Variants in CCDC68 observed in about 807,000 individuals in gnomAD.
The protein encoded by CCDC68 is coiled-coil domain containing 68, also known as coiled-coil domain-containing protein 68.
CCDC68 carries 45 observed loss-of-function variants against 47.1 expected under a neutral mutation model. The ratio of observed to expected loss-of-function variants is 0.96; its 90% confidence interval spans 0.75 to 1.23. The LOEUF (loss-of-function observed/expected upper bound fraction) is 1.23, where lower values mean the gene tolerates loss of function less well. Among genes scored for constraint, CCDC68 ranks in the 50% most tolerant of loss-of-function variants. The pLI is 0.00. For synonymous variants in CCDC68, 131 were observed against 129.5 expected (o/e 1.01, Z -0.08); for missense variants, 353 against 373.6 (o/e 0.94, Z 0.45).
intron 8 of CCDC68, among the ~76,000 whole-genome samples, chr18:54,920,525 T>C (rs191120506): frequency 5.0e-4 from 76 of 152,246 alleles, no homozygotes; most frequent in Non-Finnish European, 9.3e-4. Context: ...ATAGCAGAAA[T>C]TCATAAAATA....
chr18:54,920,236 CTT>C (rs58528142), intron 8 of CCDC68, among the ~76,000 whole-genome samples: 68,866 of 135,198 alleles, frequency 0.51, 16,584 homozygotes, highest in East Asian at 0.55. Context: ...TTTCTTTTTT[CTT>C]TTTTTTTTTT....
chr18:54,944,377 C>A (rs949521347), intron 2 of CCDC68, among the ~76,000 whole-genome samples: 150 of 152,004 alleles, frequency 9.9e-4, no homozygotes, highest in African/African-American at 3.6e-3. Context: ...TGATAAGAAG[C>A]CAAGACTCCA....
rs1033714702 is a variant in CCDC68, at chr18:54,901,964, G to A, written c.*2394C>T. Reference sequence around the variant, plus strand: ...ATATAGGAAACAATCCATACATGACGAATAAATGATAAGGCTGATGGTATT... The same window carrying A: ...ATATAGGAAACAATCCATACATGACAAATAAATGATAAGGCTGATGGTATT... On this transcript the variant is annotated 3_prime_UTR_variant, in exon 12 of 12. Coordinates refer to ENST00000591504, the MANE Select transcript of CCDC68 (RefSeq NM_025214.3). 5 of 151,792 alleles carry A rather than the reference G, an allele frequency of 3.3e-5. No individual in the cohort carries two copies. The highest frequency in any genetic ancestry group is 4.8e-5 in the African/African-American group (2 of 41,294). 9.4% of individuals were successfully genotyped at this position (151,792 alleles called of 1,614,324 possible). A position where few individuals can be genotyped will look rare whatever the true frequency, so the allele number is the denominator to read the frequency against.
At chr18:54,910,534 G>T (rs1914295304) in intron 10 of CCDC68, among the ~76,000 whole-genome samples, 1 of 152,216 alleles carries the variant, frequency 6.6e-6, no homozygotes, top group Non-Finnish European at 1.5e-5. Flanking sequence ...AAGACTGGCA[G>T]CCCGGCCCCC....
intron 6 of CCDC68, among the ~76,000 whole-genome samples, chr18:54,935,809 C>T (rs1177409686): frequency 6.6e-6 from 1 of 152,168 alleles, no homozygotes; most frequent in Non-Finnish European, 1.5e-5. Context: ...CTGACAGACA[C>T]CTGGGTGCCC....
rs377290218 is a variant in CCDC68 at position 54,938,104 on chromosome 18, C to T, written c.205-7G>A. The T allele has an allele frequency of 5.5e-5, 89 of 1,604,120 alleles. No homozygotes were observed. The East Asian group carries it at 5.6e-4, about 10-fold the overall frequency. The stretch of plus-strand genomic sequence containing the variant: ...GTTGAAGGTTTCCACAGTGCTGAAA[C>T]GGACAAATGAAAATCATAGACCTGA... On this transcript the variant is annotated splice_polypyrimidine_tract_variant and splice_region_variant and intron_variant, in intron 4 of 11. Transcript: ENST00000591504.
At chr18:54,912,819 C>T (rs1386986929) in intron 10 of CCDC68, among the ~76,000 whole-genome samples, 1 of 152,152 alleles carries the variant, frequency 6.6e-6, no homozygotes, top group Middle Eastern at 3.2e-3. Context: ...ACACGTCTTA[C>T]ATGGAGGCAG....
At chr18:54,944,636 C>CA (rs35513526) in intron 2 of CCDC68, among the ~76,000 whole-genome samples, 2 of 151,558 alleles carry the variant, frequency 1.3e-5, no homozygotes, top group Non-Finnish European at 2.9e-5. Flanking sequence ...TAAAACCTGG[C>CA]AAAAAAAGAA....
At chr18:54,957,044 T>C (rs2044723326) in intron 1 of CCDC68, among the ~76,000 whole-genome samples, 1 of 152,216 alleles carries the variant, frequency 6.6e-6, no homozygotes, top group Non-Finnish European at 1.5e-5. Context: ...AAAAATATAA[T>C]TTAATGGATA....
intron 10 of CCDC68, among the ~76,000 whole-genome samples, chr18:54,910,084 ACAGCT>A (rs1379050616): frequency 6.6e-6 from 1 of 152,226 alleles, no homozygotes; most frequent in African/African-American, 2.4e-5. Flanking sequence ...GAGCAATAGA[ACAGCT>A]CAGAGGAAAC....
chr18:54,935,522 A>G (rs2044328959), intron 6 of CCDC68, among the ~76,000 whole-genome samples: 1 of 152,180 alleles, frequency 6.6e-6, no homozygotes. Context: ...ACAGGGAAAA[A>G]TAAGTGTCTG....
intron 1 of CCDC68, among the ~76,000 whole-genome samples, chr18:54,955,134 A>G (rs2044690154): frequency 6.6e-6 from 1 of 152,150 alleles, no homozygotes; most frequent in Non-Finnish European, 1.5e-5. Flanking sequence ...CAGTCTGGGT[A>G]ACACAGTGAT....
intron 1 of CCDC68, 139 bp from the exon 2 acceptor site, chr18:54,945,616 C>G (rs1471433730): frequency 6.6e-6 from 1 of 152,188 alleles, no homozygotes; most frequent in Non-Finnish European, 1.5e-5. Context: ...CTACAAAGTC[C>G]TGCATTTATC....
At chr18:54,939,962 CT>C (rs1192296462) in intron 4 of CCDC68, among the ~76,000 whole-genome samples, 1 of 152,074 alleles carries the variant, frequency 6.6e-6, no homozygotes, top group Non-Finnish European at 1.5e-5. Context: ...AATGCAGCAT[CT>C]TGGCTCTACC....
chr18:54,918,134 A>C, intron 9 of CCDC68, 138 bp from the exon 10 acceptor site: 1 of 575,606 alleles, frequency 1.7e-6, no homozygotes. Flanking sequence ...AAGCATTAGC[A>C]GACTCAGCAG....
chr18:54,941,523 C>G (rs946268388), intron 3 of CCDC68, among the ~76,000 whole-genome samples: 1 of 151,756 alleles, frequency 6.6e-6, no homozygotes, highest in African/African-American at 2.4e-5. Context: ...GTAATTACTA[C>G]AGAATAATTA....
At chr18:54,923,788 T>A (rs2044101947) in intron 8 of CCDC68, among the ~76,000 whole-genome samples, 1 of 152,102 alleles carries the variant, frequency 6.6e-6, no homozygotes. Flanking sequence ...CTCGGCTCAC[T>A]GCAACCTCCA....
At chr18:54,956,689 A>C (rs1052690435) in intron 1 of CCDC68, among the ~76,000 whole-genome samples, 1 of 152,216 alleles carries the variant, frequency 6.6e-6, no homozygotes, top group Non-Finnish European at 1.5e-5. Flanking sequence ...TTCCATCTGT[A>C]TGAAATGTCC....
rs1241910837 is a variant in CCDC68 at position 54,919,383 on chromosome 18, A to G, written c.684-7T>C. ...CCTCTGAAGATCCTGGCAACTGGGA[A>G]TGCAAAGGGAAAAAGACCAAGAGAA... On this transcript the variant is annotated splice_polypyrimidine_tract_variant and splice_region_variant and intron_variant, in intron 8 of 11. Coordinates refer to ENST00000591504, the MANE Select transcript of CCDC68 (RefSeq NM_025214.3). 6 of 1,598,736 alleles carry G rather than the reference A, an allele frequency of 3.8e-6. No individual in the cohort carries two copies. In the African/African-American group the frequency reaches 8.0e-5, roughly 21 times the overall value.
Sources: allele counts gnomAD v4.1 joint callset (sites outside exome capture counted in the v4.1 genomes callset), GRCh38; gene constraint gnomAD v4.1.1; transcripts MANE v1.5; gene names NCBI Gene and HGNC (gene_info 2026-07-23, HGNC 2026-07-21).